The following SCP2 variants were observed in gnomAD, a reference collection of about 807,000 sequenced individuals.
The protein encoded by SCP2 is sterol carrier protein 2, also known as SCP-2/3-oxoacyl-CoA thiolase.
A neutral mutation model predicts 71.4 loss-of-function variants in SCP2; 48 were observed. The observed-to-expected ratio is 0.67, with a 90% CI of 0.53 to 0.86. The LOEUF (loss-of-function observed/expected upper bound fraction) is 0.86. Among genes scored for constraint, SCP2 ranks in the 40% least tolerant of loss-of-function variants. The pLI is 0.00. For synonymous variants in SCP2, 220 were observed against 218.1 expected, an observed-to-expected ratio of 1.01 and a Z score of -0.08; for missense variants, 560 against 655.6, an observed-to-expected ratio of 0.85 and a Z score of 1.59.
chr1:52,935,427 T>TA (rs1319266313), intron 1 of SCP2, among the ~76,000 whole-genome samples: 6 of 148,634 alleles, frequency 4.0e-5, no homozygotes, highest in Non-Finnish European at 5.9e-5. Flanking sequence ...CCGTTTTTAT[T>TA]AAAAATACAA....
chr1:53,038,264 A>ATGT (rs778652721), intron 13 of SCP2, among the ~76,000 whole-genome samples: 2,312 of 151,666 alleles, frequency 0.015, 71 homozygotes, highest in African/African-American at 0.053. Context: ...ACACACACAC[A>ATGT]CACGGAGAAG....
intron 10 of SCP2, among the ~76,000 whole-genome samples, chr1:52,981,782 A>G (rs1300586968): frequency 6.7e-6 from 1 of 149,946 alleles, no homozygotes; most frequent in Non-Finnish European, 1.5e-5. Context: ...TTATATATAT[A>G]TAAAATGTAT....
chr1:52,969,530 T>G (rs1232981982), intron 6 of SCP2, among the ~76,000 whole-genome samples: 1 of 150,990 alleles, frequency 6.6e-6, no homozygotes, highest in Non-Finnish European at 1.5e-5. Context: ...TTGTTTGTTT[T>G]TTCTAAAAAG....
At chr1:53,000,633 C>T (rs974598207) in intron 11 of SCP2, among the ~76,000 whole-genome samples, 1 of 152,176 alleles carries the variant, frequency 6.6e-6, no homozygotes, top group Non-Finnish European at 1.5e-5. Context: ...TACTCATAGA[C>T]CAATTCGGAG....
intron 1 of SCP2, among the ~76,000 whole-genome samples, chr1:52,940,600 G>A (rs1199160304): frequency 1.3e-5 from 2 of 152,138 alleles, no homozygotes; most frequent in Admixed American, 6.5e-5. Flanking sequence ...GTAATGCACG[G>A]AACCTACCTT....
intron 12 of SCP2, among the ~76,000 whole-genome samples, chr1:53,027,167 A>G (rs1002477433): frequency 3.3e-5 from 5 of 152,022 alleles, no homozygotes. Context: ...CAATCCTTCC[A>G]TCTCAGCCTC....
At chr1:53,010,449 T>TA (rs1660913835) in intron 11 of SCP2, among the ~76,000 whole-genome samples, 1 of 152,038 alleles carries the variant, frequency 6.6e-6, no homozygotes, top group East Asian at 1.9e-4. Flanking sequence ...TATGCAGCCA[T>TA]AAAAAAGGAT....
intron 13 of SCP2, among the ~76,000 whole-genome samples, chr1:53,038,163 A>C (rs1663155153): frequency 1.3e-5 from 2 of 149,326 alleles, no homozygotes; most frequent in Non-Finnish European, 2.9e-5. Context: ...AAGAAAAAAA[A>C]CCTATATGTG....
chr1:52,974,673 G>A (rs2150163103), intron 6 of SCP2, 96 bp from the exon 7 acceptor site: 1 of 776,318 alleles, frequency 1.3e-6, no homozygotes, highest in East Asian at 2.4e-5. Flanking sequence ...GGGAAAATAT[G>A]GAGATATTTA....
intron 10 of SCP2, among the ~76,000 whole-genome samples, chr1:52,984,069 A>G (rs1317796957): frequency 6.6e-6 from 1 of 152,214 alleles, no homozygotes; most frequent in African/African-American, 2.4e-5. Flanking sequence ...GTACAGGTCT[A>G]TACACAGAAT....
intron 1 of SCP2, among the ~76,000 whole-genome samples, chr1:52,941,211 T>G (rs1487513608): frequency 6.6e-6 from 1 of 152,014 alleles, no homozygotes; most frequent in East Asian, 2.0e-4. Context: ...AAGAACTTAA[T>G]TTAAATGGCA....
chr1:52,970,072 C>G (rs1384469621), intron 6 of SCP2, among the ~76,000 whole-genome samples: 1 of 152,090 alleles, frequency 6.6e-6, no homozygotes, highest in Non-Finnish European at 1.5e-5. Context: ...TCATTATTTT[C>G]TGACAAGTTC....
At chr1:52,973,423 C>T (rs1657673332) in intron 6 of SCP2, among the ~76,000 whole-genome samples, 1 of 151,544 alleles carries the variant, frequency 6.6e-6, no homozygotes, top group African/African-American at 2.4e-5. Context: ...ATTTCCTTAT[C>T]TTGTCCAAAA....
At chr1:52,974,290 C>T (rs547416405) in intron 6 of SCP2, among the ~76,000 whole-genome samples, 1 of 152,198 alleles carries the variant, frequency 6.6e-6, no homozygotes, top group Non-Finnish European at 1.5e-5. Context: ...ATTTAAAAGG[C>T]ATACATATTT....
At chr1:53,046,491 C>A (rs1663829445) in intron 14 of SCP2, among the ~76,000 whole-genome samples, 1 of 152,060 alleles carries the variant, frequency 6.6e-6, no homozygotes, top group Admixed American at 6.5e-5. Context: ...CTACATGTGT[C>A]ATTTGCTCAT....
chr1:52,938,539 C>A (rs7548389), intron 1 of SCP2, among the ~76,000 whole-genome samples: 2 of 152,016 alleles, frequency 1.3e-5, no homozygotes, highest in Non-Finnish European at 2.9e-5. Flanking sequence ...CACTGCCTCC[C>A]GCCATGCTCC....
intron 10 of SCP2, among the ~76,000 whole-genome samples, chr1:52,987,102 G>A (rs2150185048): frequency 6.7e-6 from 1 of 150,154 alleles, no homozygotes; most frequent in Admixed American, 6.7e-5. Context: ...GTAGAGATGG[G>A]GTTTCACCAT....
intron 12 of SCP2, among the ~76,000 whole-genome samples, chr1:53,023,553 G>T (rs990861583): frequency 6.6e-5 from 10 of 152,134 alleles, no homozygotes; most frequent in African/African-American, 2.4e-4. Context: ...GCAATACAGA[G>T]ATTTTTTTTA....
chr1:52,960,137 G>A (rs923770018), intron 5 of SCP2, among the ~76,000 whole-genome samples: 14 of 151,928 alleles, frequency 9.2e-5, no homozygotes, highest in African/African-American at 2.9e-4. Flanking sequence ...TGATCCGCCC[G>A]CCTGGCCTCC....
Sources: allele counts gnomAD v4.1 joint callset (sites outside exome capture counted in the v4.1 genomes callset), GRCh38; gene constraint gnomAD v4.1.1; transcripts MANE v1.5; gene names NCBI Gene and HGNC (gene_info 2026-07-23, HGNC 2026-07-21).